Variants in WBP11 observed in about 807,000 individuals in gnomAD.
WBP11 encodes WW domain-binding protein 11.
A neutral mutation model predicts 66.7 loss-of-function variants in WBP11; 12 were observed. That is an observed-to-expected ratio of 0.18 (90% CI 0.12 to 0.29). The LOEUF (loss-of-function observed/expected upper bound fraction) is 0.29, where lower values mean the gene tolerates loss of function less well. Ranked by LOEUF, WBP11 falls within the 10% of genes least tolerant of loss-of-function variation. WBP11 has a pLI of 1.00. For synonymous variants in WBP11, 255 were observed against 273.8 expected (o/e 0.93, Z 0.68); for missense variants, 555 against 818.3 (o/e 0.68, Z 3.93).
chr12:14,795,213 T>A, intron 5 of WBP11, 109 bp from the exon 6 acceptor site: 2 of 1,203,112 alleles, frequency 1.7e-6, no homozygotes, highest in Non-Finnish European at 2.2e-6. Context: ...CCAACTAACA[T>A]AAATATCACC....
At position 14,798,225 on chromosome 12, in the gene WBP11, G is replaced by A. The variant is rs1409353758; in HGVS notation, c.191-1222C>T. Among the ~76,000 whole-genome samples the A allele has an allele frequency of 2.6e-5, 4 of 152,088 alleles. No homozygotes were observed. In the East Asian group the frequency reaches 5.8e-4, roughly 22 times the overall value. Reference sequence around the variant, plus strand: ...TAATCCTAGTGTGATTAGTAAAAGCGCTGAATGCCTGAGTTTTAATCTCAG... The same window carrying A: ...TAATCCTAGTGTGATTAGTAAAAGCACTGAATGCCTGAGTTTTAATCTCAG... On this transcript the variant is annotated intron_variant, in intron 4 of 11. Coordinates refer to ENST00000261167, the MANE Select transcript of WBP11 (RefSeq NM_016312.3).
At chr12:14,799,137 GGTATA>G (rs564369414) in intron 4 of WBP11, among the ~76,000 whole-genome samples, 20 of 152,066 alleles carry the variant, frequency 1.3e-4, no homozygotes, top group Admixed American at 5.9e-4. Flanking sequence ...AGAGAATCCT[GGTATA>G]GTATTTTATT....
chr12:14,791,604 A>C (rs181343863), intron 8 of WBP11, among the ~76,000 whole-genome samples: 69 of 152,372 alleles, frequency 4.5e-4, no homozygotes, highest in African/African-American at 1.6e-3. Flanking sequence ...ATAGGAAAAG[A>C]TGAAATGTTA....
At position 14,794,551 on chromosome 12, in the gene WBP11, T is replaced by C. The variant is rs1286053154; in HGVS notation, c.707A>G (p.Tyr236Cys). Residue 236 changes from tyrosine (Y) to cysteine (C), a missense_variant, in exon 7 of 12, where the codon TAT becomes TGT. Around this residue, in one of 6 missense-constraint regions of WBP11, gnomAD observed 220 missense variants for 268.2 expected, o/e 0.82. Transcript: ENST00000261167. ...TCACTTCTCACCAAGTTCAGGACTATATAACATGTCTTCATCTCGCCTACG... is the reference window on the plus strand; with the variant it reads ...TCACTTCTCACCAAGTTCAGGACTACATAACATGTCTTCATCTCGCCTACG... ...PPRRRDEDML[Y>C]SPELAQRGHD... 1.9e-6 allele frequency: 3 copies of C among 1,613,758 alleles called. No individual in the cohort carries two copies. The highest frequency in any genetic ancestry group is 2.7e-5 in the African/African-American group (2 of 74,920).
intron 2 of WBP11, 85 bp from the exon 3 acceptor site, chr12:14,800,868 A>G: frequency 3.2e-6 from 4 of 1,261,262 alleles, no homozygotes; most frequent in Non-Finnish European, 4.5e-6. Flanking sequence ...GTAATTCTTT[A>G]TTGTGGAAAG....
chr12:14,791,234 G>A lies in WBP11; in HGVS notation c.950C>T (p.Ser317Leu), dbSNP rs1217037293. 6.2e-7 allele frequency: 1 copy of A among 1,613,860 alleles called. No individual in the cohort carries two copies. Among genetic ancestry groups the A allele is most frequent in the East Asian group, 2.2e-5 (1 of 44,880 alleles). ...SVRFADMPGK[S>L]RKKKKNMKEL... ...CTTCATGTTCTTCTTTTTCTTCCTTGATTTTCCAGGCATATCTGCAAACCG... is the reference window on the plus strand; with the variant it reads ...CTTCATGTTCTTCTTTTTCTTCCTTAATTTTCCAGGCATATCTGCAAACCG... The change falls in exon 9 of 12, where the codon TCA (serine) becomes TTA (leucine). Residue 317 changes from serine to leucine, a missense_variant. By Grantham distance (145) the Ser-to-Leu change is moderately radical. Coordinates refer to ENST00000261167, the MANE Select transcript of WBP11 (RefSeq NM_016312.3).
At chr12:14,790,910 T>C (rs542568206) in intron 9 of WBP11, among the ~76,000 whole-genome samples, 161 bp from the exon 10 acceptor site, 2 of 152,374 alleles carry the variant, frequency 1.3e-5, no homozygotes, top group East Asian at 3.9e-4. Context: ...AATAACATTC[T>C]ACTTATCTAT....
intron 10 of WBP11, among the ~76,000 whole-genome samples, chr12:14,790,038 A>G (rs1277812091): frequency 6.6e-6 from 1 of 152,234 alleles, no homozygotes; most frequent in Admixed American, 6.5e-5. Context: ...AACTACAACT[A>G]AAAAACTATG....
At chr12:14,798,391 G>A (rs2137239900) in intron 4 of WBP11, among the ~76,000 whole-genome samples, 1 of 152,266 alleles carries the variant, frequency 6.6e-6, no homozygotes, top group East Asian at 1.9e-4. Flanking sequence ...AAAAACTGGT[G>A]CGTAGGTGTA....
chr12:14,802,276 G>T (rs942298237), intron 1 of WBP11, among the ~76,000 whole-genome samples: 1 of 152,062 alleles, frequency 6.6e-6, no homozygotes, highest in Admixed American at 6.6e-5. Flanking sequence ...TTTTTGAAGC[G>T]CAGTCTTTCC....
rs116562423 is a variant in WBP11, at chr12:14,799,404, A to C, written c.190+231T>G. 1.7e-3 allele frequency: 577 copies of C among 342,674 alleles called. 5 individuals carry two copies. Among genetic ancestry groups the C allele is most frequent in the African/African-American group, 0.011 (517 of 46,954 alleles). 21.2% of individuals were successfully genotyped at this position (342,674 alleles called of 1,614,324 possible). The stretch of plus-strand genomic sequence containing the variant: ...AACTGTGCTTCTGTTATCTCACAAT[A>C]ACAATTAACTGAAAGCCAAATAATC... On this transcript the variant is annotated intron_variant, in intron 4 of 11. Coordinates refer to ENST00000261167, the MANE Select transcript of WBP11 (RefSeq NM_016312.3).
rs769221605 is a variant in WBP11, at chr12:14,787,204, G to A, written c.1787C>T (p.Pro596Leu). ...RRENKGATAA[P>L]QRKSEDDSAV... ...AGAATCATCCTCTGACTTTCTTTGG[G>A]GAGCAGCAGTAGCCCCTTTATTCTC... Residue 596 changes from proline to leucine, a missense_variant, in exon 12 of 12, where the codon CCC (proline) becomes CTC (leucine). Physicochemically the swap from Pro to Leu is moderately conservative, Grantham distance 98. Around this residue, in one of 6 missense-constraint regions of WBP11, gnomAD observed 50 missense variants for 68.3 expected, o/e 0.73. Transcript: ENST00000261167. 23 of 1,613,988 alleles carry A rather than the reference G, an allele frequency of 1.4e-5. No homozygotes were observed. The highest frequency in any genetic ancestry group is 1.9e-5 in the Non-Finnish European group (22 of 1,180,046).
At chr12:14,800,869 T>C in intron 2 of WBP11, 86 bp from the exon 3 acceptor site, 12 of 1,233,592 alleles carry the variant, frequency 9.7e-6, no homozygotes, top group Non-Finnish European at 1.3e-5. Flanking sequence ...TAATTCTTTA[T>C]TGTGGAAAGT....
chr12:14,791,015 G>C (rs1425555590), intron 9 of WBP11, among the ~76,000 whole-genome samples, 154 bp downstream of exon 9: 1 of 152,138 alleles, frequency 6.6e-6, no homozygotes, highest in Non-Finnish European at 1.5e-5. Context: ...TGTAACTTTA[G>C]GCAGCCTATA....
chr12:14,802,621 T>A (rs771867130), intron 1 of WBP11, among the ~76,000 whole-genome samples: 4 of 147,318 alleles, frequency 2.7e-5, no homozygotes, highest in African/African-American at 1.0e-4. Flanking sequence ...AAAATCTTTA[T>A]AATGGATCCA....
In WBP11 at chr12:14,793,897, A is replaced by C; in HGVS notation, c.747T>G (p.Val249=). ...AGCCATCATCTTCACTGGTGCTAGAAACATCATCATCATGACCTCGCTGGG... is the reference window on the plus strand; with the variant it reads ...AGCCATCATCTTCACTGGTGCTAGACACATCATCATCATGACCTCGCTGGG... ...ELAQRGHDDD[V]SSTSEDDGYP... Residue 249 remains valine, a synonymous_variant, in exon 8 of 12, where the codon GTT becomes GTG. Transcript: ENST00000261167. 1 of 1,613,182 alleles carries C rather than the reference A, an allele frequency of 6.2e-7. No individual in the cohort carries two copies. Among genetic ancestry groups the C allele is most frequent in the East Asian group, 2.2e-5 (1 of 44,834 alleles).
chr12:14,799,814 C>G, intron 3 of WBP11, 86 bp from the exon 4 acceptor site: 1 of 1,265,592 alleles, frequency 7.9e-7, no homozygotes, highest in South Asian at 1.5e-5. Context: ...AACAGAATAA[C>G]TCCTTGGCTT....
intron 5 of WBP11, among the ~76,000 whole-genome samples, chr12:14,795,542 C>A (rs1167624221): frequency 6.6e-6 from 1 of 152,000 alleles, no homozygotes; most frequent in African/African-American, 2.4e-5. Context: ...CCAGCCTGGC[C>A]AATATGGTGA....
intron 8 of WBP11, among the ~76,000 whole-genome samples, chr12:14,792,825 T>C (rs1365112904): frequency 6.8e-6 from 1 of 148,034 alleles, no homozygotes; most frequent in African/African-American, 2.5e-5. Flanking sequence ...AAGAGTGAGA[T>C]TGTCTCAAAA....
Sources: allele counts gnomAD v4.1 joint callset (sites outside exome capture counted in the v4.1 genomes callset), GRCh38; gene constraint gnomAD v4.1.1; regional missense constraint gnomAD v4.1.1; transcripts MANE v1.5; gene names NCBI Gene and HGNC (gene_info 2026-07-23, HGNC 2026-07-21).